Variants in LAMA4 observed in about 807,000 individuals in gnomAD.
LAMA4 encodes laminin subunit alpha 4.
Under a neutral mutation model 207.1 loss-of-function variants are expected in LAMA4, and 127 were observed. The ratio of observed to expected loss-of-function variants is 0.61; its 90% CI spans 0.53 to 0.71. The LOEUF (loss-of-function observed/expected upper bound fraction) is 0.71, where lower values mean the gene tolerates loss of function less well. Among genes scored for constraint, LAMA4 ranks in the 30% least tolerant of loss-of-function variants. The pLI, the probability that LAMA4 is intolerant of heterozygous loss-of-function variation, is 0.00. For synonymous variants in LAMA4, 761 were observed against 816.0 expected (o/e 0.93, Z 1.15); for missense variants, 2,093 against 2,246.5 (o/e 0.93, Z 1.38).
At chr6:112,200,533 T>C (rs1583872733) in intron 5 of LAMA4, among the ~76,000 whole-genome samples, 1 of 152,198 alleles carries the variant, frequency 6.6e-6, no homozygotes, top group East Asian at 1.9e-4. Flanking sequence ...CATTACTGGG[T>C]ATATACCCAA....
intron 2 of LAMA4, among the ~76,000 whole-genome samples, chr6:112,224,168 A>G (rs534696347): frequency 6.6e-6 from 1 of 152,220 alleles, no homozygotes; most frequent in African/African-American, 2.4e-5. Flanking sequence ...AGGTGCTTCA[A>G]CCTGTGTTGG....
chr6:112,248,808 A>G (rs1787200160), intron 2 of LAMA4, among the ~76,000 whole-genome samples: 3 of 150,472 alleles, frequency 2.0e-5, no homozygotes, highest in African/African-American at 7.3e-5. Context: ...TCTATAGTTG[A>G]AAAAAAAAGT....
chr6:112,217,015 A>C (rs1784666265), intron 2 of LAMA4, among the ~76,000 whole-genome samples: 1 of 152,218 alleles, frequency 6.6e-6, no homozygotes, highest in African/African-American at 2.4e-5. Flanking sequence ...GGGATAAGGA[A>C]GTTAATGAGT....
rs782625826 is a variant in LAMA4 at position 112,155,551 on chromosome 6, C to T, written c.1959+14G>A. On this transcript the variant is annotated intron_variant, in intron 15 of 38. Coordinates refer to ENST00000230538, the MANE Select transcript of LAMA4 (RefSeq NM_001105206.3). ...GGAAAGGCAAGGTATAAAGAACTTT[C>T]AGGGAATACTCACATCATAAATTCG... 6.2e-7 allele frequency: 1 copy of T among 1,614,050 alleles called. No individual in the cohort carries two copies. Among genetic ancestry groups the T allele is most frequent in the Admixed American group, 1.7e-5 (1 of 60,020 alleles).
At chr6:112,200,674 C>A (rs1352729983) in intron 5 of LAMA4, among the ~76,000 whole-genome samples, 1 of 152,162 alleles carries the variant, frequency 6.6e-6, no homozygotes, top group African/African-American at 2.4e-5. Flanking sequence ...AAATGTGGCA[C>A]ATATACACCA....
intron 2 of LAMA4, among the ~76,000 whole-genome samples, chr6:112,224,162 G>A (rs1785071551): frequency 6.6e-6 from 1 of 152,204 alleles, no homozygotes; most frequent in Non-Finnish European, 1.5e-5. Flanking sequence ...ACACTTAGGT[G>A]CTTCAACCTG....
chr6:112,121,977 G>A, intron 32 of LAMA4, 37 bp downstream of exon 32: 1 of 1,567,284 alleles, frequency 6.4e-7, no homozygotes, highest in South Asian at 1.1e-5. Context: ...GCCCAGCCAT[G>A]TCATTAGGAG....
intron 16 of LAMA4, among the ~76,000 whole-genome samples, chr6:112,154,079 C>A (rs1043937881): frequency 1.3e-5 from 2 of 152,080 alleles, no homozygotes; most frequent in Non-Finnish European, 2.9e-5. Flanking sequence ...GATGAATTTC[C>A]AACCTCATTA....
intron 9 of LAMA4, among the ~76,000 whole-genome samples, chr6:112,181,670 C>T (rs1478462696): frequency 8.5e-5 from 13 of 152,094 alleles, no homozygotes; most frequent in Admixed American, 8.5e-4. Flanking sequence ...TTAGAGTTAC[C>T]GTTTAGCCTG....
intron 2 of LAMA4, among the ~76,000 whole-genome samples, chr6:112,227,158 G>A (rs1785266817): frequency 6.6e-6 from 1 of 151,892 alleles, no homozygotes; most frequent in Non-Finnish European, 1.5e-5. Context: ...CGCAACCTCT[G>A]CCTTCCAGAT....
intron 5 of LAMA4, among the ~76,000 whole-genome samples, chr6:112,200,957 A>T (rs1238858211): frequency 5.3e-5 from 8 of 151,970 alleles, no homozygotes; most frequent in African/African-American, 1.9e-4. Flanking sequence ...GGTGCAGCAA[A>T]CCACCATGGC....
At chr6:112,150,131 T>C (rs1554335413) in intron 17 of LAMA4, among the ~76,000 whole-genome samples, 2 of 151,894 alleles carry the variant, frequency 1.3e-5, no homozygotes, top group Non-Finnish European at 2.9e-5. Flanking sequence ...AATTAGGGCA[T>C]ATTGTTATGA....
chr6:112,202,647 A>G (rs1554353003), intron 4 of LAMA4, among the ~76,000 whole-genome samples: 1 of 152,108 alleles, frequency 6.6e-6, no homozygotes, highest in African/African-American at 2.4e-5. Context: ...TCAGAAAACA[A>G]TATGTGCTTC....
At chr6:112,110,434 A>G (rs984175870) in intron 38 of LAMA4, among the ~76,000 whole-genome samples, 5 of 152,274 alleles carry the variant, frequency 3.3e-5, no homozygotes, top group Non-Finnish European at 7.3e-5. Flanking sequence ...AACATAGAAC[A>G]GCAAATGAAA....
intron 4 of LAMA4, among the ~76,000 whole-genome samples, chr6:112,204,164 A>T (rs1783920522): frequency 6.6e-6 from 1 of 152,178 alleles, no homozygotes; most frequent in Non-Finnish European, 1.5e-5. Flanking sequence ...GACCTATCTT[A>T]ATAAAGGTGA....
At chr6:112,110,749 T>G (rs1583618323) in intron 38 of LAMA4, among the ~76,000 whole-genome samples, 1 of 152,268 alleles carries the variant, frequency 6.6e-6, no homozygotes, top group African/African-American at 2.4e-5. Context: ...AGAACTTAGG[T>G]TTTGATTCTG....
chr6:112,216,460 C>A lies in LAMA4; in HGVS notation c.205G>T (p.Ala69Ser), dbSNP rs1554358730. 2 of 1,612,014 alleles carry A rather than the reference C, an allele frequency of 1.2e-6. No homozygotes were observed. The highest frequency in any genetic ancestry group is 1.7e-6 in the Non-Finnish European group (2 of 1,178,098). Residue 69 changes from alanine (A) to serine (S), a missense_variant, in exon 3 of 39, where the codon GCT (alanine) becomes TCT (serine). Transcript: ENST00000230538. ...RLPPAAEKCN[A>S]GFFHTLSGEC... Reference sequence around the variant, plus strand: ...CCCGACAGGGTGTGAAAGAATCCAGCATTGCATTTCTGCAACAGACACACC... The same window carrying A: ...CCCGACAGGGTGTGAAAGAATCCAGAATTGCATTTCTGCAACAGACACACC...
Position 112,154,952 on chromosome 6 carries a change from A to G in LAMA4, c.1960-5T>C, listed in dbSNP as rs1163672028. 4.5e-5 allele frequency: 71 copies of G among 1,592,246 alleles called. No individual in the cohort carries two copies. The highest frequency in any genetic ancestry group is 5.9e-5 in the Non-Finnish European group (69 of 1,160,686). Reference sequence around the variant, plus strand: ...AGTATCAATCCCACTCACCGCCTACAAAGGAATTGAGAGAAGAGGGTAAAA... The same window carrying G: ...AGTATCAATCCCACTCACCGCCTACGAAGGAATTGAGAGAAGAGGGTAAAA... On this transcript the variant is annotated splice_polypyrimidine_tract_variant and splice_region_variant and intron_variant, in intron 15 of 38. Transcript: ENST00000230538.
intron 2 of LAMA4, among the ~76,000 whole-genome samples, chr6:112,231,598 C>T (rs1256817398): frequency 1.3e-5 from 2 of 152,186 alleles, no homozygotes; most frequent in Non-Finnish European, 2.9e-5. Flanking sequence ...ATCCCTGACA[C>T]CTCCTTTGTT....
Sources: allele counts gnomAD v4.1 joint callset (sites outside exome capture counted in the v4.1 genomes callset), GRCh38; gene constraint gnomAD v4.1.1; transcripts MANE v1.5; gene names NCBI Gene and HGNC (gene_info 2026-07-23, HGNC 2026-07-21).